The following SLC35D4 variants were observed in gnomAD, a reference collection of about 807,000 sequenced individuals.
SLC35D4 encodes UDP-N-acetylglucosamine transporter SLC35D4.
At chr18:23,363,164 G>C in the SLC35D4 span, among the ~76,000 whole-genome samples, 1 of 148,660 alleles carries the variant, frequency 6.7e-6, no homozygotes, top group African/African-American at 2.5e-5. Flanking sequence ...AGAATTGCTT[G>C]AACCCGGGAG....
the SLC35D4 span, chr18:23,368,795 T>A: frequency 8.1e-7 from 1 of 1,238,808 alleles, no homozygotes; most frequent in Non-Finnish European, 1.1e-6. Context: ...GTAGCAGAAC[T>A]ATTTTAAATA....
chr18:23,293,006 G>A, the SLC35D4 span, among the ~76,000 whole-genome samples: 1 of 152,162 alleles, frequency 6.6e-6, no homozygotes, highest in Admixed American at 6.5e-5. Context: ...TTGGGAGGCC[G>A]AGGTGGGCGG....
At chr18:23,366,352 C>A in the SLC35D4 span, among the ~76,000 whole-genome samples, 3 of 152,220 alleles carry the variant, frequency 2.0e-5, no homozygotes, top group Non-Finnish European at 4.4e-5. Flanking sequence ...GCCCAATCCC[C>A]CACCCTCTGC....
the SLC35D4 span, among the ~76,000 whole-genome samples, chr18:23,437,228 C>T: frequency 6.6e-6 from 1 of 152,162 alleles, no homozygotes; most frequent in African/African-American, 2.4e-5. Flanking sequence ...TTAGTTTAAA[C>T]CTAAAACTAA....
At chr18:23,253,737 G>A in the SLC35D4 span, 6 of 1,614,000 alleles carry the variant, frequency 3.7e-6, no homozygotes, top group African/African-American at 1.3e-5. Flanking sequence ...AGTCTGAAAC[G>A]AGAGATGCGG....
the SLC35D4 span, among the ~76,000 whole-genome samples, chr18:23,326,353 G>C: frequency 1.3e-5 from 2 of 152,146 alleles, no homozygotes; most frequent in East Asian, 3.8e-4. Flanking sequence ...AAGGGATGCA[G>C]GAAGATCTAC....
the SLC35D4 span, chr18:23,370,398 A>T: frequency 1.3e-6 from 1 of 744,358 alleles, no homozygotes; most frequent in Non-Finnish European, 2.2e-6. Context: ...TACGAGTGTC[A>T]CACCCAGCTG....
the SLC35D4 span, chr18:23,437,911 GCCC>G: frequency 6.5e-7 from 1 of 1,549,198 alleles, no homozygotes; most frequent in African/African-American, 1.4e-5. Context: ...CCTGGCCGCC[GCCC>G]GACCCCCGCA....
At chr18:23,374,823 G>T in the SLC35D4 span, among the ~76,000 whole-genome samples, 3 of 152,044 alleles carry the variant, frequency 2.0e-5, no homozygotes, top group Non-Finnish European at 4.4e-5. Context: ...TGTTATAAAA[G>T]ATAGTATTGT....
At chr18:23,386,175 T>C in the SLC35D4 span, among the ~76,000 whole-genome samples, 1 of 140,714 alleles carries the variant, frequency 7.1e-6, no homozygotes, top group Non-Finnish European at 1.5e-5. Context: ...CTAAAAGACA[T>C]CCACATTCCA....
At chr18:23,389,519 G>A in the SLC35D4 span, among the ~76,000 whole-genome samples, 2 of 151,876 alleles carry the variant, frequency 1.3e-5, no homozygotes, top group Admixed American at 6.6e-5. Flanking sequence ...CCTGTGTAGG[G>A]CTCTATTAAA....
At chr18:23,405,986 T>A in the SLC35D4 span, among the ~76,000 whole-genome samples, 5 of 152,228 alleles carry the variant, frequency 3.3e-5, no homozygotes, top group Non-Finnish European at 5.9e-5. Flanking sequence ...TGCTTCTTTG[T>A]GCTTTTGTCA....
the SLC35D4 span, among the ~76,000 whole-genome samples, chr18:23,250,496 C>G: frequency 0.013 from 2,004 of 152,276 alleles, 36 homozygotes; most frequent in African/African-American, 0.044. Context: ...CCCCTTCAAC[C>G]CAGAGATTTA....
chr18:23,421,762 C>T, the SLC35D4 span, among the ~76,000 whole-genome samples: 3 of 151,422 alleles, frequency 2.0e-5, no homozygotes, highest in African/African-American at 7.3e-5. Flanking sequence ...CTGCAACCTC[C>T]GCATCCCAGG....
chr18:23,291,697 T>C, the SLC35D4 span, among the ~76,000 whole-genome samples: 1 of 152,200 alleles, frequency 6.6e-6, no homozygotes, highest in Non-Finnish European at 1.5e-5. Flanking sequence ...AGGCAGACAC[T>C]GCAAGGCTGC....
the SLC35D4 span, among the ~76,000 whole-genome samples, chr18:23,395,126 C>T: frequency 1.1e-3 from 170 of 152,124 alleles, no homozygotes; most frequent in Non-Finnish European, 1.6e-3. Context: ...TGTAGTTGGA[C>T]TCTGATCACC....
At chr18:23,337,971 A>G in the SLC35D4 span, among the ~76,000 whole-genome samples, 1 of 152,244 alleles carries the variant, frequency 6.6e-6, no homozygotes, top group South Asian at 2.1e-4. Flanking sequence ...AAACTCCTAT[A>G]TGGGAGACAT....
chr18:23,436,033 CTTTTTTTTTT>C, the SLC35D4 span, among the ~76,000 whole-genome samples: 3 of 96,240 alleles, frequency 3.1e-5, no homozygotes, highest in Non-Finnish European at 6.1e-5. Context: ...AACACTTTCT[CTTTTTTTTTT>C]TTTTTTTTTT....
the SLC35D4 span, among the ~76,000 whole-genome samples, chr18:23,385,983 A>C: frequency 6.6e-6 from 1 of 151,948 alleles, no homozygotes; most frequent in Non-Finnish European, 1.5e-5. Flanking sequence ...TACAAAAAAA[A>C]TTAGCCGAGC....
Sources: allele counts gnomAD v4.1 joint callset (sites outside exome capture counted in the v4.1 genomes callset), GRCh38; gene constraint gnomAD v4.1.1; transcripts MANE v1.5; gene names NCBI Gene and HGNC (gene_info 2026-07-23, HGNC 2026-07-21).